ACOXL: variants seen among roughly 807,000 people sequenced by gnomAD.
ACOXL encodes the protein acyl-CoA oxidase like.
In ACOXL, 70 loss-of-function variants were observed where a neutral mutation model predicts 71.9. The observed-to-expected ratio is 0.97, with a 90% CI of 0.80 to 1.19. ACOXL has a LOEUF of 1.19. Among genes scored for constraint, ACOXL ranks in the 50% most tolerant of loss-of-function variants. The pLI is 0.00. For missense variants in ACOXL, 703 were observed against 736.3 expected (o/e 0.95, Z 0.52); for synonymous variants, 253 against 281.6 (o/e 0.90, Z 1.02).
intron 9 of ACOXL, among the ~76,000 whole-genome samples, chr2:110,815,852 CT>C (rs2105459549): frequency 6.6e-6 from 1 of 152,258 alleles, no homozygotes; most frequent in Non-Finnish European, 1.5e-5. Context: ...CTTGGGGTGC[CT>C]CACCTGCAAG....
intron 16 of ACOXL, among the ~76,000 whole-genome samples, chr2:111,059,768 G>GAAA (rs11385062): frequency 5.2e-5 from 7 of 134,674 alleles, no homozygotes; most frequent in African/African-American, 1.6e-4. Flanking sequence ...GCACACAAAG[G>GAAA]AAAAAAAAAA....
intron 10 of ACOXL, among the ~76,000 whole-genome samples, chr2:110,876,449 G>A (rs1337918773): frequency 3.3e-5 from 5 of 152,166 alleles, no homozygotes; most frequent in Non-Finnish European, 7.3e-5. Context: ...GCTGAGGCCC[G>A]TCCCTCTGGG....
intron 9 of ACOXL, among the ~76,000 whole-genome samples, chr2:110,815,935 A>G (rs1422317620): frequency 6.6e-6 from 1 of 152,218 alleles, no homozygotes; most frequent in African/African-American, 2.4e-5. Flanking sequence ...GATGAACAGG[A>G]CCTGGTACTT....
chr2:110,907,862 C>T (rs1000317338), intron 10 of ACOXL, among the ~76,000 whole-genome samples: 19 of 152,242 alleles, frequency 1.2e-4, no homozygotes, highest in Admixed American at 2.6e-4. Context: ...ATTTTTAAAA[C>T]AATTGCTTCT....
chr2:111,100,759 G>GT (rs1447133541), intron 17 of ACOXL: 1 of 152,718 alleles, frequency 6.5e-6, no homozygotes, highest in African/African-American at 2.4e-5. Flanking sequence ...CACAGGAGCA[G>GT]TTGCATCAGC....
At chr2:111,005,480 T>A (rs1245485323) in intron 14 of ACOXL, among the ~76,000 whole-genome samples, 1 of 152,208 alleles carries the variant, frequency 6.6e-6, no homozygotes, top group Non-Finnish European at 1.5e-5. Flanking sequence ...CGCCCACAGT[T>A]TTTATTGTTG....
chr2:110,777,102 G>C (rs1682748025), intron 2 of ACOXL, among the ~76,000 whole-genome samples: 1 of 152,150 alleles, frequency 6.6e-6, no homozygotes, highest in Admixed American at 6.5e-5. Flanking sequence ...GCCTAGAAGA[G>C]ATGTTAGGTT....
chr2:110,904,664 C>T (rs563256786), intron 10 of ACOXL, among the ~76,000 whole-genome samples: 28 of 152,306 alleles, frequency 1.8e-4, no homozygotes, highest in African/African-American at 6.0e-4. Flanking sequence ...CGCCATGCCA[C>T]GCAGGGCCAC....
intron 10 of ACOXL, among the ~76,000 whole-genome samples, chr2:110,846,363 C>T (rs374541429): frequency 2.6e-5 from 4 of 152,104 alleles, no homozygotes; most frequent in African/African-American, 7.2e-5. Context: ...ACCTTAAAGG[C>T]GATGAATGTG....
intron 11 of ACOXL, among the ~76,000 whole-genome samples, chr2:110,912,413 A>G (rs1238231382): frequency 6.6e-6 from 1 of 152,164 alleles, no homozygotes; most frequent in African/African-American, 2.4e-5. Flanking sequence ...CTGGCATTGG[A>G]TAGATACACA....
chr2:110,777,899 A>G (rs758789690), intron 2 of ACOXL, among the ~76,000 whole-genome samples: 3 of 152,178 alleles, frequency 2.0e-5, no homozygotes, highest in African/African-American at 4.8e-5. Context: ...CAAACATAGA[A>G]TGTGGGTAGC....
At position 111,100,040 on chromosome 2, in the gene ACOXL, T is replaced by C. The variant is rs967925327; in HGVS notation, c.1542+7074T>C. 9 of 152,348 alleles carry C rather than the reference T, an allele frequency of 5.9e-5. 1 individual carries two copies. Among genetic ancestry groups the C allele is most frequent in the African/African-American group, 2.2e-4 (9 of 41,582 alleles). The allele number at this position is 152,348 out of a possible 1,614,324, so 9.4% of individuals were successfully genotyped here. A position where few individuals can be genotyped will look rare whatever the true frequency, so the allele number is the denominator to read the frequency against. ...AGCCTTATTTTGTTCCCTGAACTCC[T>C]GGACACAGCTGTCCTGCTCTGCCAG... On this transcript the variant is annotated intron_variant, in intron 17 of 17. Coordinates refer to ENST00000439055, the MANE Select transcript of ACOXL (RefSeq NM_001142807.4).
intron 10 of ACOXL, among the ~76,000 whole-genome samples, chr2:110,845,012 T>C (rs1573799058): frequency 6.6e-6 from 1 of 152,236 alleles, no homozygotes; most frequent in South Asian, 2.1e-4. Context: ...TCGATTACTT[T>C]TTTCCTGTGT....
rs138146655 is a variant in ACOXL, at chr2:110,926,208, C to T, written c.906-7281C>T. Reference sequence around the variant, plus strand: ...TGAAATATTGTGAGAATTACCAAAACGTCACAAAGACACAAAGTGAATATG... The same window carrying T: ...TGAAATATTGTGAGAATTACCAAAATGTCACAAAGACACAAAGTGAATATG... On this transcript the variant is annotated intron_variant, in intron 11 of 17. Transcript: ENST00000439055. Among the ~76,000 whole-genome samples the T allele has an allele frequency of 2.4e-3, 367 of 152,236 alleles. 3 individuals are homozygous for T. The highest frequency in any genetic ancestry group is 8.5e-3 in the African/African-American group (354 of 41,536).
At chr2:111,084,899 GA>G (rs113297442) in intron 16 of ACOXL, among the ~76,000 whole-genome samples, 16,095 of 112,812 alleles carry the variant, frequency 0.14, 919 homozygotes, top group African/African-American at 0.19. Context: ...TGGAAAACAG[GA>G]AAAAAAAAAA....
chr2:110,940,611 T>A (rs904818795), intron 12 of ACOXL, among the ~76,000 whole-genome samples: 3 of 152,196 alleles, frequency 2.0e-5, no homozygotes, highest in African/African-American at 7.2e-5. Flanking sequence ...ACGTTTGGCC[T>A]CACTGAGAAT....
At chr2:110,837,643 A>G (rs1268781117) in intron 9 of ACOXL, among the ~76,000 whole-genome samples, 1 of 151,918 alleles carries the variant, frequency 6.6e-6, no homozygotes, top group Non-Finnish European at 1.5e-5. Context: ...AACCCCTCCA[A>G]CTTGATGCAA....
chr2:110,755,728 A>G (rs1303969135), intron 1 of ACOXL, among the ~76,000 whole-genome samples: 1 of 152,240 alleles, frequency 6.6e-6, no homozygotes, highest in Non-Finnish European at 1.5e-5. Context: ...CTTTTTAACT[A>G]TGCAATTTAA....
intron 12 of ACOXL, among the ~76,000 whole-genome samples, chr2:110,947,180 T>C (rs1044927093): frequency 5.9e-5 from 9 of 152,222 alleles, no homozygotes; most frequent in African/African-American, 2.2e-4. Context: ...GCAGTTTCGC[T>C]TCGTTTCCCA....
Sources: allele counts gnomAD v4.1 joint callset (sites outside exome capture counted in the v4.1 genomes callset), GRCh38; gene constraint gnomAD v4.1.1; transcripts MANE v1.5; gene names NCBI Gene and HGNC (gene_info 2026-07-23, HGNC 2026-07-21).